The following SH3GL3 variants were observed in gnomAD, a reference collection of about 807,000 sequenced individuals.
SH3GL3 encodes the protein SH3 domain containing GRB2 like 3, endophilin A3, also known as endophilin-A3.
Under a neutral mutation model 47.7 loss-of-function variants are expected in SH3GL3, and 33 were observed. That is an observed-to-expected ratio of 0.69 (90% CI 0.52 to 0.92). The LOEUF is 0.92. Ranked by LOEUF, SH3GL3 falls within the 40% of genes least tolerant of loss-of-function variation. SH3GL3 has a pLI of 0.00. For synonymous variants in SH3GL3, 155 were observed against 148.8 expected, an observed-to-expected ratio of 1.04 and a Z score of -0.30; for missense variants, 363 against 417.8, an observed-to-expected ratio of 0.87 and a Z score of 1.14.
intron 1 of SH3GL3, among the ~76,000 whole-genome samples, chr15:83,504,131 G>T (rs547534689): frequency 6.6e-6 from 1 of 152,286 alleles, no homozygotes; most frequent in South Asian, 2.1e-4. Flanking sequence ...ATTTAAATAG[G>T]TTTTTCTTTT....
intron 1 of SH3GL3, among the ~76,000 whole-genome samples, chr15:83,493,519 A>C (rs1457654299): frequency 1.3e-5 from 2 of 152,118 alleles, no homozygotes; most frequent in African/African-American, 4.8e-5. Flanking sequence ...GTGAGTCCTT[A>C]GTGTCTCAGT....
intron 1 of SH3GL3, among the ~76,000 whole-genome samples, chr15:83,511,599 C>T (rs2042752380): frequency 6.6e-6 from 1 of 152,092 alleles, no homozygotes; most frequent in South Asian, 2.1e-4. Flanking sequence ...TAATAATAAT[C>T]ACTATTACTA....
intron 1 of SH3GL3, among the ~76,000 whole-genome samples, chr15:83,541,702 C>A: frequency 6.6e-6 from 1 of 152,086 alleles, no homozygotes; most frequent in East Asian, 1.9e-4. Flanking sequence ...ATTTGCATTT[C>A]TCTGGTCATC....
chr15:83,617,536 C>T (rs996779111), intron 8 of SH3GL3, among the ~76,000 whole-genome samples: 4 of 152,218 alleles, frequency 2.6e-5, no homozygotes, highest in Admixed American at 1.3e-4. Context: ...ATTAGCTGGG[C>T]GTGGTGGCGC....
At chr15:83,485,929 T>A (rs2041576233) in intron 1 of SH3GL3, among the ~76,000 whole-genome samples, 1 of 152,222 alleles carries the variant, frequency 6.6e-6, no homozygotes, top group South Asian at 2.1e-4. Context: ...GATTAACAGG[T>A]ATTAACATTT....
intron 8 of SH3GL3, among the ~76,000 whole-genome samples, chr15:83,617,100 T>C (rs1186683846): frequency 4.6e-5 from 7 of 152,246 alleles, no homozygotes; most frequent in African/African-American, 1.7e-4. Flanking sequence ...GCTCTGACTT[T>C]TCTTTCTCCA....
chr15:83,495,196 C>T (rs997529945), intron 1 of SH3GL3, among the ~76,000 whole-genome samples: 3 of 152,198 alleles, frequency 2.0e-5, no homozygotes, highest in African/African-American at 7.2e-5. Flanking sequence ...TTTCCCTTAC[C>T]CTTGAAGCTG....
At chr15:83,616,740 A>G (rs2060829981) in intron 8 of SH3GL3, among the ~76,000 whole-genome samples, 1 of 152,172 alleles carries the variant, frequency 6.6e-6, no homozygotes, top group South Asian at 2.1e-4. Flanking sequence ...AAGGGGGAAT[A>G]AAAGAGACAA....
intron 4 of SH3GL3, 23 bp from the exon 5 acceptor site, chr15:83,572,542 T>A (rs774152158): frequency 6.2e-7 from 1 of 1,600,644 alleles, no homozygotes. Context: ...AAGAACCTTT[T>A]GTATTTATGT....
At chr15:83,600,998 T>TTGGTATA (rs201784023) in intron 8 of SH3GL3, among the ~76,000 whole-genome samples, 2,118 of 152,316 alleles carry the variant, frequency 0.014, 43 homozygotes, top group African/African-American at 0.048. Context: ...TTGGTCTCTG[T>TTGGTATA]TGGTATATAG....
At chr15:83,483,927 G>T (rs939244597) in intron 1 of SH3GL3, among the ~76,000 whole-genome samples, 2 of 152,192 alleles carry the variant, frequency 1.3e-5, no homozygotes, top group African/African-American at 4.8e-5. Flanking sequence ...ATACTTCTCA[G>T]TTTTATAGTC....
At chr15:83,515,447 T>C (rs1487363784) in intron 1 of SH3GL3, among the ~76,000 whole-genome samples, 1 of 152,042 alleles carries the variant, frequency 6.6e-6, no homozygotes, top group African/African-American at 2.4e-5. Context: ...ATGGATGCTT[T>C]GGGAAGTGCT....
intron 1 of SH3GL3, among the ~76,000 whole-genome samples, chr15:83,542,161 G>A (rs1403189970): frequency 6.6e-6 from 1 of 152,088 alleles, no homozygotes; most frequent in East Asian, 1.9e-4. Flanking sequence ...TGAGAGATAG[G>A]GATCTAGTTT....
chr15:83,450,534 A>G (rs1230723476), intron 1 of SH3GL3, among the ~76,000 whole-genome samples: 3 of 152,084 alleles, frequency 2.0e-5, no homozygotes, highest in Non-Finnish European at 4.4e-5. Context: ...AAAAACCCCT[A>G]CTTTACAGAG....
chr15:83,573,261 A>C (rs1023529003), intron 5 of SH3GL3, among the ~76,000 whole-genome samples: 2 of 152,192 alleles, frequency 1.3e-5, no homozygotes, highest in African/African-American at 4.8e-5. Flanking sequence ...TCCACTCTGG[A>C]GGTACAAGCA....
At chr15:83,524,895 T>C (rs1042333559) in intron 1 of SH3GL3, among the ~76,000 whole-genome samples, 3 of 152,244 alleles carry the variant, frequency 2.0e-5, no homozygotes, top group African/African-American at 7.2e-5. Context: ...TTCCACACTT[T>C]CTTTATCCAT....
intron 8 of SH3GL3, among the ~76,000 whole-genome samples, chr15:83,592,743 C>A (rs1346987512): frequency 6.6e-6 from 1 of 152,170 alleles, no homozygotes; most frequent in Non-Finnish European, 1.5e-5. Context: ...ACAACACATC[C>A]TGCCTCCTCC....
At chr15:83,473,134 C>T (rs1373042188) in intron 1 of SH3GL3, among the ~76,000 whole-genome samples, 1 of 151,978 alleles carries the variant, frequency 6.6e-6, no homozygotes, top group Admixed American at 6.6e-5. Flanking sequence ...CCTCTGACAT[C>T]ACCCCAGTGG....
intron 1 of SH3GL3, among the ~76,000 whole-genome samples, chr15:83,517,590 C>T (rs1567294245): frequency 1.3e-5 from 2 of 152,086 alleles, no homozygotes; most frequent in African/African-American, 4.8e-5. Context: ...TTGGATTTCC[C>T]TTGTTGTGAA....
Sources: allele counts gnomAD v4.1 joint callset (sites outside exome capture counted in the v4.1 genomes callset), GRCh38; gene constraint gnomAD v4.1.1; transcripts MANE v1.5; gene names NCBI Gene and HGNC (gene_info 2026-07-23, HGNC 2026-07-21).